Variants in PRPF18 observed in about 807,000 individuals in gnomAD.
The protein encoded by PRPF18 is pre-mRNA-splicing factor 18.
In PRPF18, 38 loss-of-function variants were observed where a neutral mutation model predicts 46.5. The ratio of observed to expected loss-of-function variants is 0.82; its 90% CI spans 0.63 to 1.07. The LOEUF (loss-of-function observed/expected upper bound fraction) is 1.07, where lower values mean the gene tolerates loss of function less well. Among genes scored for constraint, PRPF18 ranks in the 50% least tolerant of loss-of-function variants. PRPF18 has a pLI of 0.00. For missense variants in PRPF18, 263 were observed against 410.0 expected (o/e 0.64, Z 3.10); for synonymous variants, 152 against 146.7 (o/e 1.04, Z -0.26).
chr10:13,616,442 GC>G lies in PRPF18; in HGVS notation c.840del (p.Ile281SerfsTer26), dbSNP rs769725729. The part of the protein sequence containing the change: ...LQMAIGNAPW[P>X]IGVTMVGIHA... ...AGATGGCCATTGGAAATGCGCCTTG[GC>G]CCATCGGTGTCACTATGGTTGGTAT... On this transcript the variant is annotated frameshift_variant, in exon 9 of 10. Coordinates refer to ENST00000378572, the MANE Select transcript of PRPF18 (RefSeq NM_003675.4). LOFTEE classifies it high-confidence loss of function. 1 of 1,613,218 alleles carries G rather than the reference GC, an allele frequency of 6.2e-7. No individual in the cohort carries two copies. Among genetic ancestry groups the G allele is most frequent in the East Asian group, 2.2e-5 (1 of 44,878 alleles).
Position 13,587,128 on chromosome 10 carries a change from G to A in PRPF18, c.42G>A (p.Leu14=), listed in dbSNP as rs564234998. ...LKSEILRKRQ[L]VEDRNLLVEN... The stretch of plus-strand genomic sequence containing the variant: ...CAGAGATCCTTCGGAAGCGGCAGCT[G>A]GTGGAGGACAGGAACCTGCTGGTGG... The change falls in exon 1 of 10, where the codon CTG becomes CTA. Residue 14 remains leucine (L), a synonymous_variant. Transcript: ENST00000378572. 32 of 1,614,184 alleles carry A rather than the reference G, an allele frequency of 2.0e-5. 1 individual carries two copies. In the South Asian group the frequency reaches 3.5e-4, roughly 18 times the overall value.
the PRPF18 span, chr10:13,653,292 T>G: frequency 6.6e-6 from 1 of 152,250 alleles, no homozygotes; most frequent in East Asian, 1.9e-4. Context: ...GGTGGGTGGA[T>G]CACCTGAGGT....
At chr10:13,589,572 A>G (rs551516671) in intron 1 of PRPF18, among the ~76,000 whole-genome samples, 3 of 152,334 alleles carry the variant, frequency 2.0e-5, no homozygotes, top group Admixed American at 6.5e-5. Flanking sequence ...CAAATTTACC[A>G]TTGCTTTTCA....
chr10:13,655,592 C>G, the PRPF18 span: 2 of 151,398 alleles, frequency 1.3e-5, no homozygotes, highest in African/African-American at 4.9e-5. Flanking sequence ...GAGCCTGGCT[C>G]GCTAGGGCAT....
At chr10:13,650,342 C>A in the PRPF18 span, among the ~76,000 whole-genome samples, 1 of 152,148 alleles carries the variant, frequency 6.6e-6, no homozygotes, top group East Asian at 1.9e-4. Flanking sequence ...TCCTGTCTTA[C>A]CTGGTCTGGG....
At chr10:13,593,593 A>G (rs1268945534) in intron 1 of PRPF18, among the ~76,000 whole-genome samples, 1 of 152,230 alleles carries the variant, frequency 6.6e-6, no homozygotes, top group Non-Finnish European at 1.5e-5. Context: ...ATAATTGTCA[A>G]GAGCCAGTAG....
At chr10:13,646,484 GCCT>G in the PRPF18 span, 2 of 152,242 alleles carry the variant, frequency 1.3e-5, no homozygotes, top group Non-Finnish European at 2.9e-5. Flanking sequence ...ATGCCACGAG[GCCT>G]CCTCTTCATG....
At chr10:13,632,077 C>G (rs978918158), downstream of PRPF18, 1 of 152,668 alleles carries the variant, frequency 6.6e-6, no homozygotes, top group African/African-American at 2.4e-5. Flanking sequence ...CGCGGTGGCT[C>G]ACGCCTGTAA....
intron 9 of PRPF18, among the ~76,000 whole-genome samples, chr10:13,621,456 T>A (rs939440991): frequency 6.6e-6 from 1 of 152,124 alleles, no homozygotes; most frequent in African/African-American, 2.4e-5. Context: ...CGGGTGGCTG[T>A]CTCCATACAG....
chr10:13,619,000 G>A (rs2080387325), intron 9 of PRPF18, among the ~76,000 whole-genome samples: 1 of 152,220 alleles, frequency 6.6e-6, no homozygotes, highest in African/African-American at 2.4e-5. Flanking sequence ...ATGGTTTCAG[G>A]ATGAAACTGT....
intron 6 of PRPF18, 81 bp from the exon 7 acceptor site, chr10:13,613,660 G>A (rs2080302260): frequency 1.4e-6 from 2 of 1,401,434 alleles, no homozygotes; most frequent in Admixed American, 4.6e-5. Flanking sequence ...ATTGTATTCT[G>A]TTTTTGTGTG....
In PRPF18 at chr10:13,629,319, C is replaced by T. The variant is rs551020237; in HGVS notation, c.949-941C>T. 1.4e-4 allele frequency among the ~76,000 whole-genome samples: 22 copies of T among 152,250 alleles called. No individual in the cohort carries two copies. The South Asian group carries it at 4.4e-3, about 30-fold the overall frequency. On this transcript the variant is annotated intron_variant, in intron 9 of 9. Transcript: ENST00000378572. ...GAATTCTGCAAGAATGGCCAGGTCA[C>T]GCTTGGAATGTTGTACTCAGTTTTT...
chr10:13,647,123 A>T, the PRPF18 span: 1 of 177,092 alleles, frequency 5.6e-6, no homozygotes, highest in Non-Finnish European at 1.1e-5. Context: ...GGATATGTTC[A>T]CCTTGACAGG....
intron 3 of PRPF18, among the ~76,000 whole-genome samples, chr10:13,601,784 A>G: frequency 6.6e-6 from 1 of 152,216 alleles, no homozygotes; most frequent in East Asian, 1.9e-4. Context: ...TTTCATGATA[A>G]AATAAGGTAA....
chr10:13,597,591 G>C, intron 2 of PRPF18, 56 bp downstream of exon 2: 1 of 1,596,530 alleles, frequency 6.3e-7, no homozygotes, highest in Non-Finnish European at 8.6e-7. Flanking sequence ...AATTTATACA[G>C]CTGTTGTTAA....
In PRPF18 at chr10:13,611,678, C is replaced by A. The variant is rs768656317; in HGVS notation, c.574C>A (p.Leu192Met). 3.7e-6 allele frequency: 6 copies of A among 1,613,564 alleles called. No individual in the cohort carries two copies. The highest frequency in any genetic ancestry group is 5.1e-6 in the Non-Finnish European group (6 of 1,179,580). The change falls in exon 6 of 10, where the codon CTG becomes ATG. Residue 192 changes from leucine (L) to methionine (M), a missense_variant. This residue lies in a region of PRPF18 where 155 missense variants were observed against 245.1 expected (regional missense o/e 0.63). Transcript: ENST00000378572. ...HKDMDIITKF[L>M]KFLLGVWAKE... is the part of the protein sequence containing the mutation. ...AGACATGGACATCATCACCAAATTC[C>A]TGAAGGTGCGTGTCTTAGGCGAGGG...
At chr10:13,652,032 T>TGACA in the PRPF18 span, 8 of 902,180 alleles carry the variant, frequency 8.9e-6, no homozygotes, top group Non-Finnish European at 1.3e-5. Context: ...AGAGAGACAC[T>TGACA]GACACAGACA....
chr10:13,624,099 C>T (rs897023315), intron 9 of PRPF18, among the ~76,000 whole-genome samples: 1 of 152,186 alleles, frequency 6.6e-6, no homozygotes, highest in African/African-American at 2.4e-5. Context: ...CTTGTCATGC[C>T]TCAGCCTCCT....
chr10:13,588,816 C>T (rs1262177376), intron 1 of PRPF18, among the ~76,000 whole-genome samples: 1 of 152,100 alleles, frequency 6.6e-6, no homozygotes, highest in African/African-American at 2.4e-5. Context: ...TAACTTAGAC[C>T]GCTGGTTCTC....
Sources: allele counts gnomAD v4.1 joint callset (sites outside exome capture counted in the v4.1 genomes callset), GRCh38; gene constraint gnomAD v4.1.1; regional missense constraint gnomAD v4.1.1; transcripts MANE v1.5; gene names NCBI Gene and HGNC (gene_info 2026-07-23, HGNC 2026-07-21).